Variants in PACS1 observed in about 807,000 individuals in gnomAD.
PACS1 encodes the protein PACS-1.
A neutral mutation model predicts 115.0 loss-of-function variants in PACS1; 24 were observed. The ratio of observed to expected loss-of-function variants is 0.21; its 90% CI spans 0.15 to 0.29. The LOEUF is 0.29. PACS1 is among the 10% of genes least tolerant of loss of function. PACS1 has a pLI of 1.00. For missense variants in PACS1, 838 were observed against 1,251.2 expected (o/e 0.67, Z 4.98); for synonymous variants, 453 against 504.5 (o/e 0.90, Z 1.37).
In PACS1 at chr11:66,217,138, C is replaced by T. The variant is rs1157848193; in HGVS notation, c.978+363C>T. ...TCTGCAGCGAGAAAGCCAGCTCCCT[C>T]TAGGAGTAGCACTAGTTTTAATCAT... On this transcript the variant is annotated intron_variant, in intron 7 of 23. Transcript: ENST00000320580. 4.3e-5 allele frequency: 14 copies of T among 323,978 alleles called. No homozygotes were observed. In the East Asian group the frequency reaches 8.9e-4, roughly 21 times the overall value. The allele number at this position is 323,978 out of a possible 1,614,324, so 20.1% of individuals were successfully genotyped here. A position where few individuals can be genotyped will look rare whatever the true frequency, so the allele number is the denominator to read the frequency against.
chr11:66,194,027 G>T (rs56223081), intron 2 of PACS1, among the ~76,000 whole-genome samples: 4,847 of 152,190 alleles, frequency 0.032, 113 homozygotes, highest in Non-Finnish European at 0.05. Flanking sequence ...GCAGTGGCGC[G>T]ATCTCGGCTC....
chr11:66,112,753 A>G (rs934675412), intron 1 of PACS1, among the ~76,000 whole-genome samples: 1 of 152,218 alleles, frequency 6.6e-6, no homozygotes, highest in African/African-American at 2.4e-5. Context: ...TGGGGAAATG[A>G]AAGTTATCAA....
intron 1 of PACS1, among the ~76,000 whole-genome samples, chr11:66,119,196 T>C (rs1858386677): frequency 6.6e-6 from 1 of 152,246 alleles, no homozygotes; most frequent in African/African-American, 2.4e-5. Flanking sequence ...GCCCACGACC[T>C]GTTTTTGTGT....
chr11:66,232,463 G>T (rs1385609030), intron 14 of PACS1, among the ~76,000 whole-genome samples, 187 bp downstream of exon 14: 1 of 152,202 alleles, frequency 6.6e-6, no homozygotes, highest in East Asian at 1.9e-4. Context: ...TATCCAACTT[G>T]TGGGATCTTA....
chr11:66,180,574 C>T (rs754180279), intron 1 of PACS1, among the ~76,000 whole-genome samples: 7 of 152,046 alleles, frequency 4.6e-5, no homozygotes, highest in Admixed American at 1.3e-4. Flanking sequence ...AAAATGGTCT[C>T]GATCTCCTGA....
At chr11:66,129,878 A>C (rs1053760413) in intron 1 of PACS1, among the ~76,000 whole-genome samples, 4 of 152,174 alleles carry the variant, frequency 2.6e-5, no homozygotes, top group African/African-American at 9.7e-5. Flanking sequence ...TGCTAGAATA[A>C]ATGATGTTAG....
intron 4 of PACS1, among the ~76,000 whole-genome samples, chr11:66,211,945 C>T (rs565211096): frequency 2.0e-5 from 3 of 152,072 alleles, no homozygotes; most frequent in East Asian, 1.9e-4. Flanking sequence ...ATTTTTTAAG[C>T]GCACAGGCTG....
At chr11:66,161,758 T>G (rs1859491406) in intron 1 of PACS1, among the ~76,000 whole-genome samples, 1 of 152,186 alleles carries the variant, frequency 6.6e-6, no homozygotes, top group Admixed American at 6.5e-5. Flanking sequence ...CTACATTTTT[T>G]TTTCCTACGG....
chr11:66,086,328 C>T (rs955424993), intron 1 of PACS1, among the ~76,000 whole-genome samples: 2 of 151,814 alleles, frequency 1.3e-5, no homozygotes, highest in Non-Finnish European at 2.9e-5. Context: ...TTAGTAGAGA[C>T]GGGGTTTCAC....
intron 1 of PACS1, among the ~76,000 whole-genome samples, chr11:66,154,634 T>C (rs551555413): frequency 6.6e-6 from 1 of 152,278 alleles, no homozygotes; most frequent in Non-Finnish European, 1.5e-5. Context: ...TCCAAATACA[T>C]GAAGTACTAG....
chr11:66,072,383 T>A (rs1421367150), intron 1 of PACS1, among the ~76,000 whole-genome samples: 1 of 152,170 alleles, frequency 6.6e-6, no homozygotes, highest in Non-Finnish European at 1.5e-5. Context: ...GTGCAGAAGT[T>A]TCTTTAGGTT....
chr11:66,102,656 G>A (rs1454980468), intron 1 of PACS1, among the ~76,000 whole-genome samples: 1 of 151,814 alleles, frequency 6.6e-6, no homozygotes, highest in Non-Finnish European at 1.5e-5. Flanking sequence ...AATACTGGTG[G>A]CCTTGAAATC....
At chr11:66,161,489 A>G (rs1859487437) in intron 1 of PACS1, among the ~76,000 whole-genome samples, 1 of 152,154 alleles carries the variant, frequency 6.6e-6, no homozygotes, top group Non-Finnish European at 1.5e-5. Context: ...AATAAAAATA[A>G]AGAAGGCACT....
chr11:66,159,123 G>A (rs965631809), intron 1 of PACS1, among the ~76,000 whole-genome samples: 2 of 152,148 alleles, frequency 1.3e-5, no homozygotes, highest in African/African-American at 4.8e-5. Flanking sequence ...GTCAAATCAA[G>A]AGTGAAAAAT....
At chr11:66,182,978 A>G (rs914499109) in intron 1 of PACS1, among the ~76,000 whole-genome samples, 1 of 151,982 alleles carries the variant, frequency 6.6e-6, no homozygotes, top group Admixed American at 6.6e-5. Context: ...AAAAATACAA[A>G]AATTATCTGG....
At position 66,234,279 on chromosome 11, in the gene PACS1, G is replaced by A. The variant is rs202221582; in HGVS notation, c.2104+37G>A. 104 of 1,406,048 alleles carry A rather than the reference G, an allele frequency of 7.4e-5. No homozygotes were observed. The African/African-American group carries it at 1.1e-3, about 14-fold the overall frequency. 87.1% of individuals were successfully genotyped at this position (1,406,048 alleles called of 1,614,324 possible). The stretch of plus-strand genomic sequence containing the variant: ...GTGTAAGGAGCTTACTCCCACCCCC[G>A]GGGTCCACAGGTGCCAGCCTGGCTG... On this transcript the variant is annotated intron_variant, in intron 17 of 23. Transcript: ENST00000320580.
At chr11:66,166,652 G>GCTT (rs1157012355) in intron 1 of PACS1, among the ~76,000 whole-genome samples, 5 of 150,616 alleles carry the variant, frequency 3.3e-5, no homozygotes, top group Admixed American at 3.3e-4. Context: ...GTCTTCTGCA[G>GCTT]CTTAAGCTTA....
At position 66,070,525 on chromosome 11, in the gene PACS1, C is replaced by A. The variant is rs1857288035; in HGVS notation, c.39C>A (p.Gly13=). 1 of 1,326,246 alleles carries A rather than the reference C, an allele frequency of 7.5e-7. No individual in the cohort carries two copies. The highest frequency in any genetic ancestry group is 2.1e-5 in the South Asian group (1 of 47,552). The allele number at this position is 1,326,246 out of a possible 1,614,324, so 82.2% of individuals were successfully genotyped here. A position where few individuals can be genotyped will look rare whatever the true frequency, so the allele number is the denominator to read the frequency against. ...GAGGGGCGGGCGGTGGTCCCGGAGG[C>A]GCCGGGGGCGGCAGCGGCCAGCGGG... ...ERGGAGGGPG[G]AGGGSGQRGS... Residue 13 remains glycine (G), a synonymous_variant, in exon 1 of 24, where the codon GGC becomes GGA. Coordinates refer to ENST00000320580, the MANE Select transcript of PACS1 (RefSeq NM_018026.4). This position sits in a 1 kb window ranked among gnomAD's most constrained non-coding sequence, Gnocchi z 5.9.
At chr11:66,146,181 A>C (rs1362914772) in intron 1 of PACS1, among the ~76,000 whole-genome samples, 1 of 152,210 alleles carries the variant, frequency 6.6e-6, no homozygotes, top group African/African-American at 2.4e-5. Flanking sequence ...ATATTCAGGG[A>C]AGATAATCAG....
Sources: allele counts gnomAD v4.1 joint callset (sites outside exome capture counted in the v4.1 genomes callset), GRCh38; gene constraint gnomAD v4.1.1; non-coding constraint Gnocchi (gnomAD v3.1); transcripts MANE v1.5; gene names NCBI Gene and HGNC (gene_info 2026-07-23, HGNC 2026-07-21).